SNTG1: variants seen among roughly 807,000 people sequenced by gnomAD.
The protein encoded by SNTG1 is syntrophin gamma 1.
SNTG1 carries 39 observed loss-of-function variants against 74.7 expected under a neutral mutation model. That is an observed-to-expected ratio of 0.52 (90% CI 0.40 to 0.68). SNTG1 has a LOEUF of 0.68. SNTG1 is among the 30% of genes least tolerant of loss of function. The pLI is 0.00. For missense variants in SNTG1, 685 were observed against 609.5 expected, an observed-to-expected ratio of 1.12 and a Z score of -1.30; for synonymous variants, 254 against 217.1, an observed-to-expected ratio of 1.17 and a Z score of -1.49.
chr8:50,326,581 T>TTTC (rs917736433), intron 2 of SNTG1, among the ~76,000 whole-genome samples: 15 of 130,602 alleles, frequency 1.1e-4, no homozygotes, highest in African/African-American at 4.1e-4. Flanking sequence ...GTCTTGTCTC[T>TTTC]TTTTTTTTAT....
At chr8:50,518,157 C>T (rs191542060) in intron 9 of SNTG1, among the ~76,000 whole-genome samples, 1 of 152,278 alleles carries the variant, frequency 6.6e-6, no homozygotes. Context: ...GAAACTCACT[C>T]AAAACCACAC....
rs57952543 is a variant in SNTG1 at position 50,065,971 on chromosome 8, C to A, written c.-102-106590C>A. 8.4e-3 allele frequency among the ~76,000 whole-genome samples: 1,275 copies of A among 152,202 alleles called. 26 individuals carry two copies. Among genetic ancestry groups the A allele is most frequent in the African/African-American group, 0.029 (1,204 of 41,532 alleles). ...GTGGCTCACGCCTGTAATCCCACCACTTTGGGAGGCCGAGGCAGGCGGATC... is the reference window on the plus strand; with the variant it reads ...GTGGCTCACGCCTGTAATCCCACCAATTTGGGAGGCCGAGGCAGGCGGATC... On this transcript the variant is annotated intron_variant, in intron 1 of 18. Transcript: ENST00000642720.
intron 9 of SNTG1, among the ~76,000 whole-genome samples, chr8:50,529,628 TTAG>T (rs1170046400): frequency 1.9e-4 from 29 of 152,172 alleles, no homozygotes; most frequent in Admixed American, 3.3e-4. Flanking sequence ...AAAATAGATA[TTAG>T]TAGGCATCTC....
chr8:50,295,980 A>G (rs745461162), intron 2 of SNTG1, among the ~76,000 whole-genome samples: 5 of 152,186 alleles, frequency 3.3e-5, no homozygotes, highest in Admixed American at 6.5e-5. Context: ...GTGTGTGCAT[A>G]GCTCATTAAT....
At chr8:50,185,064 A>G (rs1340646304) in intron 2 of SNTG1, among the ~76,000 whole-genome samples, 1 of 152,188 alleles carries the variant, frequency 6.6e-6, no homozygotes, top group Non-Finnish European at 1.5e-5. Context: ...GTTTTATAAT[A>G]TGCTTAGAAA....
chr8:50,692,322 G>A (rs544823169), intron 15 of SNTG1, among the ~76,000 whole-genome samples: 47 of 152,220 alleles, frequency 3.1e-4, no homozygotes, highest in South Asian at 2.1e-4. Context: ...GAGGAGAGGC[G>A]CTCTGATTTT....
intron 2 of SNTG1, among the ~76,000 whole-genome samples, chr8:50,223,965 T>C (rs1332440919): frequency 1.3e-5 from 2 of 152,182 alleles, no homozygotes; most frequent in Non-Finnish European, 2.9e-5. Flanking sequence ...AATCCCAAAC[T>C]GATAGATTTA....
chr8:50,063,703 C>T (rs1051545917), intron 1 of SNTG1, among the ~76,000 whole-genome samples: 3 of 145,960 alleles, frequency 2.1e-5, no homozygotes, highest in South Asian at 2.2e-4. Context: ...GAAACCATTG[C>T]TTTTTTTTTT....
intron 4 of SNTG1, among the ~76,000 whole-genome samples, chr8:50,428,777 T>C (rs541070402): frequency 2.6e-5 from 4 of 152,160 alleles, no homozygotes; most frequent in Non-Finnish European, 5.9e-5. Flanking sequence ...GGGCCTTTTT[T>C]TGTAATTTAT....
intron 11 of SNTG1, among the ~76,000 whole-genome samples, chr8:50,540,088 G>A (rs2094335718): frequency 6.6e-6 from 1 of 152,098 alleles, no homozygotes; most frequent in South Asian, 2.1e-4. Context: ...TCACCTCACA[G>A]GGGCTTCCCA....
At chr8:50,168,196 G>A (rs2082691575) in intron 1 of SNTG1, among the ~76,000 whole-genome samples, 1 of 151,648 alleles carries the variant, frequency 6.6e-6, no homozygotes, top group South Asian at 2.1e-4. Flanking sequence ...ACATCTTTAG[G>A]AAGGACCATA....
chr8:50,383,652 A>G (rs1235829137), intron 2 of SNTG1, among the ~76,000 whole-genome samples: 1 of 152,142 alleles, frequency 6.6e-6, no homozygotes, highest in Admixed American at 6.5e-5. Context: ...TTCACCTGGT[A>G]AGGTAACCCA....
At chr8:49,926,710 G>A (rs939836825) in intron 1 of SNTG1, among the ~76,000 whole-genome samples, 11 of 151,994 alleles carry the variant, frequency 7.2e-5, no homozygotes, top group Admixed American at 5.2e-4. Context: ...AACATCAAAG[G>A]CATAATCTTT....
chr8:50,690,354 G>A (rs973892840), intron 15 of SNTG1, among the ~76,000 whole-genome samples: 3 of 152,058 alleles, frequency 2.0e-5, no homozygotes, highest in East Asian at 1.9e-4. Flanking sequence ...TGTCAATTTT[G>A]GATCTTTCCT....
intron 1 of SNTG1, among the ~76,000 whole-genome samples, chr8:50,045,474 C>A (rs997645987): frequency 6.6e-6 from 1 of 152,076 alleles, no homozygotes; most frequent in African/African-American, 2.4e-5. Flanking sequence ...GACAATTTCA[C>A]CCCCATGATC....
chr8:49,981,115 C>G (rs185103700), intron 1 of SNTG1, among the ~76,000 whole-genome samples: 3 of 152,244 alleles, frequency 2.0e-5, no homozygotes, highest in African/African-American at 4.8e-5. Context: ...AATTGAATCT[C>G]CTGGCAGGCC....
intron 1 of SNTG1, among the ~76,000 whole-genome samples, chr8:50,040,869 A>T (rs983083990): frequency 1.3e-5 from 2 of 152,184 alleles, no homozygotes; most frequent in Non-Finnish European, 2.9e-5. Context: ...CTGCTAGAGA[A>T]GCACAAAGGG....
intron 18 of SNTG1, among the ~76,000 whole-genome samples, chr8:50,773,732 C>T (rs1041685231): frequency 6.6e-6 from 1 of 152,002 alleles, no homozygotes; most frequent in Non-Finnish European, 1.5e-5. Flanking sequence ...AAAATTGTGG[C>T]CTTTCTGTAA....
At chr8:50,787,671 G>C (rs2095679499) in intron 18 of SNTG1, among the ~76,000 whole-genome samples, 1 of 151,930 alleles carries the variant, frequency 6.6e-6, no homozygotes, top group African/African-American at 2.4e-5. Context: ...TCAATAAAGA[G>C]AAAAGAAGTA....
Sources: allele counts gnomAD v4.1 joint callset (sites outside exome capture counted in the v4.1 genomes callset), GRCh38; gene constraint gnomAD v4.1.1; transcripts MANE v1.5; gene names NCBI Gene and HGNC (gene_info 2026-07-23, HGNC 2026-07-21).